Variants in DYRK4 observed in about 807,000 individuals in gnomAD.
DYRK4 encodes the protein dual specificity tyrosine phosphorylation regulated kinase 4.
A neutral mutation model predicts 68.3 loss-of-function variants in DYRK4; 64 were observed. The ratio of observed to expected loss-of-function variants is 0.94; its 90% CI spans 0.77 to 1.15. DYRK4 has a LOEUF of 1.15. DYRK4 is among the 50% of genes most tolerant of loss of function. DYRK4 has a pLI of 0.00. For missense variants in DYRK4, 740 were observed against 764.7 expected (o/e 0.97, Z 0.38); for synonymous variants, 274 against 289.9 (o/e 0.95, Z 0.56).
chr12:4,593,075 G>A lies in DYRK4; in HGVS notation c.537G>A (p.Trp179Ter), dbSNP rs775111536. Reference protein sequence around the residue: ...QSEILGYAELWFLGLEAKKLD... With the variant: ...QSEILGYAEL ...AAATCCTGGGCTACGCGGAGCTGTGGTTCCTGGGTCTTGAAGCCAAGAAGC... is the reference window on the plus strand; with the variant it reads ...AAATCCTGGGCTACGCGGAGCTGTGATTCCTGGGTCTTGAAGCCAAGAAGC... The change falls in exon 6 of 15, where the codon TGG becomes TGA. Residue 179 changes from tryptophan to a stop codon, truncating the protein, a stop_gained. Coordinates refer to ENST00000543431, the MANE Select transcript of DYRK4 (RefSeq NM_001394779.1). LOFTEE classifies it high-confidence loss of function. The A allele has an allele frequency of 1.2e-6, 2 of 1,614,168 alleles. No homozygotes were observed. The highest frequency in any genetic ancestry group is 2.2e-5 in the East Asian group (1 of 44,868).
rs1016644010 is a variant in DYRK4, at chr12:4,596,126, C to T, written c.628-23C>T. The T allele has an allele frequency of 1.9e-6, 3 of 1,611,762 alleles. No homozygotes were observed. The African/African-American group carries it at 4.0e-5, about 22-fold the overall frequency. ...CCTGGGAGCCCATGGCTTTGCTCTT[C>T]ACCTCCGGCCTGGCTTCCACAGGTC... On this transcript the variant is annotated intron_variant, in intron 6 of 14. Coordinates refer to ENST00000543431, the MANE Select transcript of DYRK4 (RefSeq NM_001394779.1).
intron 13 of DYRK4, chr12:4,610,562 G>A (rs1441066583): frequency 2.2e-5 from 5 of 227,842 alleles, no homozygotes; most frequent in Admixed American, 1.1e-4. Context: ...AATACACAGC[G>A]TATGGTAGAG....
chr12:4,579,872 C>T (rs1944824171), intron 2 of DYRK4, among the ~76,000 whole-genome samples: 1 of 151,714 alleles, frequency 6.6e-6, no homozygotes, highest in Non-Finnish European at 1.5e-5. Flanking sequence ...CACCCGGTTT[C>T]CTGGCAGAAC....
Position 4,613,398 on chromosome 12 carries a change from C to A in DYRK4, c.1667-117C>A. The A allele has an allele frequency of 7.6e-7, 1 of 1,323,878 alleles. No individual in the cohort carries two copies. Among genetic ancestry groups the A allele is most frequent in the Non-Finnish European group, 1.0e-6 (1 of 974,532 alleles). The allele number at this position is 1,323,878 out of a possible 1,614,324, so 82.0% of individuals were successfully genotyped here. On this transcript the variant is annotated intron_variant, in intron 14 of 14. Coordinates refer to ENST00000543431, the MANE Select transcript of DYRK4 (RefSeq NM_001394779.1). The surrounding 1 kb of genome is among the most constrained non-coding windows in gnomAD (Gnocchi z 4.0). ...ACATTGGAGGTGCTTTACAAATGAACTGTTTTTATATCATCACGGTCATCG... is the reference window on the plus strand; with the variant it reads ...ACATTGGAGGTGCTTTACAAATGAAATGTTTTTATATCATCACGGTCATCG...
intron 13 of DYRK4, chr12:4,610,543 C>T: frequency 3.5e-6 from 1 of 288,526 alleles, no homozygotes; most frequent in South Asian, 1.1e-4. Flanking sequence ...ATTAAGTGAC[C>T]TGCCCTGGAA....
rs1944960097 is a variant in DYRK4 at position 4,591,866 on chromosome 12, G to C, written c.463+568G>C. 1 of 152,450 alleles carries C rather than the reference G, an allele frequency of 6.6e-6. No individual in the cohort carries two copies. The highest frequency in any genetic ancestry group is 6.5e-5 in the Admixed American group (1 of 15,316). The allele number at this position is 152,450 out of a possible 1,614,324, so 9.4% of individuals were successfully genotyped here. ...GGCTGTGCACCAGCTCTGGTGCAGG[G>C]AGGGCAGCTTTGCCCGTGAGGCTTG... is the stretch of plus-strand genomic sequence containing the variant. On this transcript the variant is annotated intron_variant, in intron 5 of 14. Coordinates refer to ENST00000543431, the MANE Select transcript of DYRK4 (RefSeq NM_001394779.1). This position sits in a 1 kb window ranked among gnomAD's most constrained non-coding sequence, Gnocchi z 4.1.
intron 10 of DYRK4, among the ~76,000 whole-genome samples, chr12:4,600,825 T>A (rs764909345): frequency 3.3e-5 from 5 of 151,498 alleles, no homozygotes; most frequent in Non-Finnish European, 7.4e-5. Flanking sequence ...CACATAGTCA[T>A]TGAAGTTATT....
intron 11 of DYRK4, among the ~76,000 whole-genome samples, chr12:4,607,087 G>C (rs1318542707): frequency 6.6e-6 from 1 of 152,184 alleles, no homozygotes; most frequent in African/African-American, 2.4e-5. Context: ...CCCCTAGTTG[G>C]TGCTGATGTT....
At chr12:4,602,720 T>G (rs1196746084) in intron 10 of DYRK4, 1 of 1,500,394 alleles carries the variant, frequency 6.7e-7, no homozygotes, top group Non-Finnish European at 9.3e-7. Flanking sequence ...CCCTGACTCT[T>G]CAATGTCTTG....
At chr12:4,568,359 C>T (rs1944697367) in intron 2 of DYRK4, among the ~76,000 whole-genome samples, 1 of 151,938 alleles carries the variant, frequency 6.6e-6, no homozygotes, top group Non-Finnish European at 1.5e-5. Context: ...AGTTGAAGAA[C>T]GTTTCCAGAA....
intron 10 of DYRK4, chr12:4,602,626 C>T: frequency 7.4e-7 from 1 of 1,360,130 alleles, no homozygotes; most frequent in Non-Finnish European, 1.1e-6. Context: ...CTTGATGCCA[C>T]TGACACAGGA....
chr12:4,572,516 C>T (rs1252151135), intron 2 of DYRK4, among the ~76,000 whole-genome samples: 1 of 152,144 alleles, frequency 6.6e-6, no homozygotes, highest in Non-Finnish European at 1.5e-5. Flanking sequence ...AGGATGGTCT[C>T]GATCTCCTGA....
chr12:4,592,925 G>A, intron 5 of DYRK4, 77 bp from the exon 6 acceptor site: 1 of 1,534,800 alleles, frequency 6.5e-7, no homozygotes, highest in Non-Finnish European at 8.8e-7. Context: ...TGACCTGGAA[G>A]GGATGCCATC....
chr12:4,576,849 A>T (rs913143146), intron 2 of DYRK4, among the ~76,000 whole-genome samples: 5 of 152,168 alleles, frequency 3.3e-5, no homozygotes, highest in Non-Finnish European at 5.9e-5. Flanking sequence ...GCTAATTTTT[A>T]ATTGGATTGC....
intron 10 of DYRK4, among the ~76,000 whole-genome samples, chr12:4,601,125 G>C (rs1945075765): frequency 1.3e-5 from 2 of 152,172 alleles, no homozygotes; most frequent in Admixed American, 6.5e-5. Context: ...CCAAAAACTA[G>C]GGGTAAAGTC....
At position 4,613,283 on chromosome 12, in the gene DYRK4, T is replaced by C. The variant is rs1386781082; in HGVS notation, c.1667-232T>C. 1.3e-5 allele frequency among the ~76,000 whole-genome samples: 2 copies of C among 152,208 alleles called. No individual in the cohort carries two copies. Among genetic ancestry groups the C allele is most frequent in the Non-Finnish European group, 2.9e-5 (2 of 68,034 alleles). On this transcript the variant is annotated intron_variant, in intron 14 of 14. Transcript: ENST00000543431. The surrounding 1 kb of genome is among the most constrained non-coding windows in gnomAD (Gnocchi z 4.0). The stretch of plus-strand genomic sequence containing the variant: ...CCTCTCTGTAGCTCAGTATCTCCAT[T>C]TATGAGAATGAGAATAAAGCCTGTT...
intron 2 of DYRK4, among the ~76,000 whole-genome samples, chr12:4,579,268 G>A (rs750476517): frequency 5.3e-5 from 8 of 151,914 alleles, no homozygotes; most frequent in South Asian, 2.1e-4. Flanking sequence ...GCGAGATGCC[G>A]TCTCAAAATG....
In DYRK4 at chr12:4,603,087, G is replaced by A; in HGVS notation, c.1127-1827G>A. 3 of 1,343,476 alleles carry A rather than the reference G, an allele frequency of 2.2e-6. No homozygotes were observed. In the East Asian group the frequency reaches 7.0e-5, roughly 31 times the overall value. The allele number at this position is 1,343,476 out of a possible 1,614,324, so 83.2% of individuals were successfully genotyped here. ...TCCTCTTCCTCCTCCAAGTCTTTCT[G>A]GCTTTCTAGTTTGGACTCCTGGAAA... On this transcript the variant is annotated intron_variant, in intron 10 of 14. Transcript: ENST00000543431.
intron 11 of DYRK4, among the ~76,000 whole-genome samples, chr12:4,605,916 G>A (rs7312062): frequency 0.27 from 41,400 of 151,830 alleles, 6,804 homozygotes; most frequent in African/African-American, 0.44. Context: ...TTTGAGTTCT[G>A]TGTAAGAATC....
Sources: gnomAD v4.1 joint callset for allele counts (sites outside exome capture counted in the v4.1 genomes callset) on GRCh38, gnomAD v4.1.1 for gene constraint, Gnocchi (gnomAD v3.1) non-coding constraint, MANE v1.5 for transcripts, NCBI Gene and HGNC (gene_info 2026-07-23, HGNC 2026-07-21) for gene names.